The following UHRF1 variants were observed in gnomAD, a reference collection of about 807,000 sequenced individuals.
UHRF1 encodes the protein E3 ubiquitin-protein ligase UHRF1.
In UHRF1, 9 loss-of-function variants were observed where a neutral mutation model predicts 96.5. That is an observed-to-expected ratio of 0.09 (90% confidence interval 0.06 to 0.16). The LOEUF (loss-of-function observed/expected upper bound fraction) is 0.16. Ranked by LOEUF, UHRF1 falls within the 10% of genes least tolerant of loss-of-function variation. The probability of loss-of-function intolerance (pLI) is 1.00; values close to 1 mark genes in which losing one functional copy is unlikely to be tolerated. For synonymous variants in UHRF1, 455 were observed against 469.9 expected, an observed-to-expected ratio of 0.97 and a Z score of 0.41; for missense variants, 626 against 1,131.1, an observed-to-expected ratio of 0.55 and a Z score of 6.40.
At chr19:4,939,762 T>C (rs34423330) in intron 5 of UHRF1, among the ~76,000 whole-genome samples, 7,278 of 152,250 alleles carry the variant, frequency 0.048, 201 homozygotes, top group African/African-American at 0.06. Flanking sequence ...CAGTGGCTCA[T>C]GCCTGTAATC....
Position 4,960,640 on chromosome 19 carries a change from C to T in UHRF1, c.2236-17C>T, listed in dbSNP as rs1238987759. 2.5e-6 allele frequency: 4 copies of T among 1,612,046 alleles called. No individual in the cohort carries two copies. The highest frequency in any genetic ancestry group is 3.4e-6 in the Non-Finnish European group (4 of 1,179,128). ...TGGTGTGGATGGCACTTCTCACGCG[C>T]CTGCTGTGTCTTACAGGACTGCCTG... is the stretch of plus-strand genomic sequence containing the variant. On this transcript the variant is annotated splice_polypyrimidine_tract_variant and intron_variant, in intron 16 of 16. Coordinates refer to ENST00000650932, the MANE Select transcript of UHRF1 (RefSeq NM_001048201.3).
chr19:4,920,969 CA>C, intron 2 of UHRF1, among the ~76,000 whole-genome samples: 1 of 151,550 alleles, frequency 6.6e-6, no homozygotes, highest in Non-Finnish European at 1.5e-5. Context: ...ACTAAAAATA[CA>C]AACATTAGCT....
chr19:4,934,521 C>T (rs1024079210), intron 5 of UHRF1, among the ~76,000 whole-genome samples: 10 of 152,118 alleles, frequency 6.6e-5, no homozygotes, highest in South Asian at 2.1e-4. Context: ...TCTGACAACT[C>T]GGGGGACCTC....
upstream of UHRF1, among the ~76,000 whole-genome samples, chr19:4,905,505 T>G (rs1237473111): frequency 6.6e-6 from 1 of 151,518 alleles, no homozygotes; most frequent in African/African-American, 2.4e-5. Context: ...TAGTGTATTT[T>G]ATTATTTATT....
chr19:4,920,768 A>G (rs2032675527), intron 2 of UHRF1, among the ~76,000 whole-genome samples: 2 of 152,200 alleles, frequency 1.3e-5, no homozygotes, highest in Admixed American at 1.3e-4. Flanking sequence ...TATAACACAG[A>G]CATCATAGGT....
chr19:4,942,436 C>T (rs1478468681), intron 7 of UHRF1, among the ~76,000 whole-genome samples: 4 of 151,894 alleles, frequency 2.6e-5, no homozygotes, highest in Non-Finnish European at 4.4e-5. Context: ...GTGATCCGTC[C>T]GTTTCGGCCT....
In UHRF1 at chr19:4,930,825, C is replaced by T. The variant is rs2033027105; in HGVS notation, c.518C>T (p.Thr173Met). 9 of 1,613,994 alleles carry T rather than the reference C, an allele frequency of 5.6e-6. No homozygotes were observed. Among genetic ancestry groups the T allele is most frequent in the African/African-American group, 1.3e-5 (1 of 75,062 alleles). ...TCCCGGGACGAGCCCTGCAGCTCCACGTCCAGGCCGGCGCTGGAGGAGGAC... is the reference window on the plus strand; with the variant it reads ...TCCCGGGACGAGCCCTGCAGCTCCATGTCCAGGCCGGCGCTGGAGGAGGAC... ...APSRDEPCSS[T>M]SRPALEEDVI... The change falls in exon 4 of 17, where the codon ACG becomes ATG. Residue 173 changes from threonine to methionine, a missense_variant. Physicochemically the swap from Thr to Met is moderately conservative, Grantham distance 81. This residue lies in a region of UHRF1 where 198 missense variants were observed against 235.1 expected (regional missense o/e 0.84). Transcript: ENST00000650932. This position sits in a 1 kb window ranked among gnomAD's most constrained non-coding sequence, Gnocchi z 4.4.
chr19:4,948,034 G>C (rs2033619106), intron 11 of UHRF1, among the ~76,000 whole-genome samples: 1 of 148,980 alleles, frequency 6.7e-6, no homozygotes, highest in African/African-American at 2.5e-5. Context: ...AGCCCAGGAG[G>C]TTGAGGCCGC....
intron 15 of UHRF1, among the ~76,000 whole-genome samples, chr19:4,956,269 A>G (rs1436775229): frequency 6.6e-6 from 1 of 151,992 alleles, no homozygotes; most frequent in South Asian, 2.1e-4. Context: ...GTCTCACTGT[A>G]TTGCCGGGCT....
intron 2 of UHRF1, among the ~76,000 whole-genome samples, chr19:4,921,949 G>A (rs1468550277): frequency 6.6e-6 from 1 of 152,126 alleles, no homozygotes; most frequent in Non-Finnish European, 1.5e-5. Flanking sequence ...ATTTTTATTT[G>A]TATTTACTTA....
chr19:4,933,617 C>G (rs1380709900), intron 5 of UHRF1, among the ~76,000 whole-genome samples: 1 of 152,164 alleles, frequency 6.6e-6, no homozygotes, highest in African/African-American at 2.4e-5. Flanking sequence ...AAGGTTCTCC[C>G]TCCTCTGCCT....
At chr19:4,937,132 A>G (rs1436192197) in intron 5 of UHRF1, among the ~76,000 whole-genome samples, 5 of 152,150 alleles carry the variant, frequency 3.3e-5, no homozygotes, top group Admixed American at 3.3e-4. Flanking sequence ...ACTTTGTAAT[A>G]AGGATTCCCG....
chr19:4,928,565 G>A (rs139030712), intron 2 of UHRF1, among the ~76,000 whole-genome samples: 4 of 152,228 alleles, frequency 2.6e-5, no homozygotes, highest in African/African-American at 9.6e-5. Context: ...GGGTGGAGCT[G>A]AGGGTCAGAG....
intron 1 of UHRF1, 141 bp from the exon 2 acceptor site, chr19:4,910,735 T>C (rs1298288202): frequency 4.2e-6 from 4 of 958,986 alleles, no homozygotes; most frequent in Non-Finnish European, 6.0e-6. Flanking sequence ...AGGGTCTGGC[T>C]GTACAGGAGG....
At chr19:4,941,954 C>T (rs546393035) in intron 7 of UHRF1, 23 bp downstream of exon 7, 24 of 1,464,162 alleles carry the variant, frequency 1.6e-5, no homozygotes, top group East Asian at 4.9e-5. Flanking sequence ...CTGCCCGCCG[C>T]GGGGAGACCA....
chr19:4,941,080 GTTTTGTTTTTTTTTTTTTT>G (rs1239402059), intron 5 of UHRF1, among the ~76,000 whole-genome samples: 1 of 112,844 alleles, frequency 8.9e-6, no homozygotes. Context: ...TGGTTTCTGT[GTTTTGTTTTTTTTTTTTTT>G]TTTTTTTTTG....
intron 5 of UHRF1, among the ~76,000 whole-genome samples, chr19:4,933,996 T>TGA (rs1555750001): frequency 4.0e-5 from 6 of 150,452 alleles, no homozygotes; most frequent in Non-Finnish European, 7.4e-5. Flanking sequence ...TGTGTGTGTG[T>TGA]GATAAAATGT....
Position 4,954,926 on chromosome 19 carries a change from G to A in UHRF1, c.2130+104G>A, listed in dbSNP as rs1482769749. 1.6e-5 allele frequency: 22 copies of A among 1,387,094 alleles called. No homozygotes were observed. The highest frequency in any genetic ancestry group is 5.8e-5 in the Admixed American group (3 of 52,024). 85.9% of individuals were successfully genotyped at this position (1,387,094 alleles called of 1,614,324 possible). A position where few individuals can be genotyped will look rare whatever the true frequency, so the allele number is the denominator to read the frequency against. On this transcript the variant is annotated intron_variant, in intron 15 of 16. Coordinates refer to ENST00000650932, the MANE Select transcript of UHRF1 (RefSeq NM_001048201.3). The surrounding 1 kb of genome is among the most constrained non-coding windows in gnomAD (Gnocchi z 5.9). ...CCATTTTCAAGTGTACAGCTCAGTC[G>A]CACTGAGTACATTCTTGTGGTTGTG...
At position 4,961,466 on chromosome 19, in the gene UHRF1, G is replaced by T. The variant is rs564729308; in HGVS notation, c.*663G>T. 6.6e-6 allele frequency: 1 copy of T among 152,502 alleles called. No homozygotes were observed. The highest frequency in any genetic ancestry group is 6.5e-5 in the Admixed American group (1 of 15,300). The allele number at this position is 152,502 out of a possible 1,614,324, so 9.4% of individuals were successfully genotyped here. On this transcript the variant is annotated 3_prime_UTR_variant, in exon 17 of 17. Coordinates refer to ENST00000650932, the MANE Select transcript of UHRF1 (RefSeq NM_001048201.3). ...GAGAGCAGGGAGTTGGGGCCACGCA[G>T]AAATGGCCTCAAGGGGACTCTGCTC...
Sources: gnomAD v4.1 joint callset for allele counts (sites outside exome capture counted in the v4.1 genomes callset) on GRCh38, gnomAD v4.1.1 for gene constraint, gnomAD v4.1.1 regional missense constraint, Gnocchi (gnomAD v3.1) non-coding constraint, MANE v1.5 for transcripts, NCBI Gene and HGNC (gene_info 2026-07-23, HGNC 2026-07-21) for gene names.